The following KCNH1 variants were observed in gnomAD, a reference collection of about 807,000 sequenced individuals.
The protein encoded by KCNH1 is potassium voltage-gated channel subfamily H member 1.
In KCNH1, 27 loss-of-function variants were observed where a neutral mutation model predicts 69.2. The ratio of observed to expected loss-of-function variants is 0.39; its 90% CI spans 0.29 to 0.54. The LOEUF is 0.54. Among genes scored for constraint, KCNH1 ranks in the 20% least tolerant of loss-of-function variants. The pLI, the probability that KCNH1 is intolerant of heterozygous loss-of-function variation, is 0.68. For synonymous variants in KCNH1, 456 were observed against 487.7 expected (o/e 0.93, Z 0.86); for missense variants, 798 against 1,261.6 (o/e 0.63, Z 5.57).
At chr1:210,857,722 G>A (rs1685885413) in intron 7 of KCNH1, among the ~76,000 whole-genome samples, 1 of 152,098 alleles carries the variant, frequency 6.6e-6, no homozygotes. Flanking sequence ...GAAATATTTT[G>A]TGTACACATG....
intron 7 of KCNH1, among the ~76,000 whole-genome samples, chr1:210,910,882 A>C (rs867465609): frequency 6.6e-6 from 1 of 152,048 alleles, no homozygotes; most frequent in South Asian, 2.1e-4. Context: ...GGTCAAGTAA[A>C]CTCTCTCCTC....
chr1:210,945,095 T>C (rs1048653537), intron 6 of KCNH1, among the ~76,000 whole-genome samples: 1 of 152,244 alleles, frequency 6.6e-6, no homozygotes, highest in Admixed American at 6.5e-5. Flanking sequence ...AGAATTTCAT[T>C]ACTTTTTATG....
chr1:210,720,212 T>C (rs1409524459), intron 10 of KCNH1, among the ~76,000 whole-genome samples: 1 of 152,114 alleles, frequency 6.6e-6, no homozygotes, highest in African/African-American at 2.4e-5. Flanking sequence ...ATCAAATTAA[T>C]ATGATCATCC....
chr1:210,793,384 T>C (rs1412895152), intron 9 of KCNH1, among the ~76,000 whole-genome samples: 1 of 152,224 alleles, frequency 6.6e-6, no homozygotes, highest in African/African-American at 2.4e-5. Context: ...GCAACTCACA[T>C]AGCAAGAGAA....
chr1:210,950,388 T>TCC lies in KCNH1; in HGVS notation c.1033-30321_1033-30320dup, dbSNP rs566542477. On this transcript the variant is annotated intron_variant, in intron 6 of 10. Coordinates refer to ENST00000271751, the MANE Select transcript of KCNH1 (RefSeq NM_172362.3). ...TCCCCCCTCCCCCACCCCACAACAG[T>TCC]CCCCAGAGTGTGATATTCCCCTTCC... Among the ~76,000 whole-genome samples the TCC allele has an allele frequency of 1.5e-3, 98 of 66,234 alleles. 2 individuals are homozygous for TCC. The South Asian group carries it at 0.051, about 35-fold the overall frequency. 43.5% of individuals were successfully genotyped at this position (66,234 alleles called of 152,430 possible).
chr1:210,806,637 G>T (rs1405995907), intron 7 of KCNH1, among the ~76,000 whole-genome samples: 2 of 150,032 alleles, frequency 1.3e-5, no homozygotes, highest in Admixed American at 6.7e-5. Flanking sequence ...CCATGTTACT[G>T]CATGTATTGT....
At chr1:210,834,651 T>A (rs1344798794) in intron 7 of KCNH1, among the ~76,000 whole-genome samples, 5 of 149,304 alleles carry the variant, frequency 3.3e-5, no homozygotes, top group East Asian at 3.9e-4. Context: ...AACCTGCACA[T>A]TGTGCACATG....
intron 5 of KCNH1, among the ~76,000 whole-genome samples, chr1:211,065,416 T>G (rs1690511591): frequency 6.6e-6 from 1 of 152,186 alleles, no homozygotes; most frequent in Admixed American, 6.5e-5. Context: ...CTCGCTTGTA[T>G]GTGGAACCTA....
intron 10 of KCNH1, among the ~76,000 whole-genome samples, chr1:210,713,763 A>ATATT (rs1212354451): frequency 6.6e-6 from 1 of 152,186 alleles, no homozygotes; most frequent in Admixed American, 6.5e-5. Flanking sequence ...GCCGTTCCAT[A>ATATT]TATTTCCAGG....
chr1:210,765,209 G>T (rs1683602524), intron 10 of KCNH1, among the ~76,000 whole-genome samples: 1 of 152,202 alleles, frequency 6.6e-6, no homozygotes, highest in East Asian at 1.9e-4. Flanking sequence ...TTCCAAAACT[G>T]GGGGTGGGGG....
At chr1:210,742,991 G>C (rs2149038033) in intron 10 of KCNH1, among the ~76,000 whole-genome samples, 1 of 152,174 alleles carries the variant, frequency 6.6e-6, no homozygotes, top group African/African-American at 2.4e-5. Flanking sequence ...AAAAGAAAGA[G>C]GATAAAGATT....
At chr1:211,088,347 T>G (rs1316189901) in intron 4 of KCNH1, among the ~76,000 whole-genome samples, 2 of 152,122 alleles carry the variant, frequency 1.3e-5, no homozygotes, top group African/African-American at 4.8e-5. Context: ...TGAGAGTACA[T>G]CCAAGAAGAA....
At chr1:211,064,908 G>C (rs1041360945) in intron 5 of KCNH1, among the ~76,000 whole-genome samples, 18 of 152,122 alleles carry the variant, frequency 1.2e-4, no homozygotes, top group African/African-American at 4.3e-4. Context: ...CCAATCATCA[G>C]AGAAATGCAA....
At chr1:210,775,606 G>C (rs1228928184) in intron 9 of KCNH1, 62 bp from the exon 10 acceptor site, 2 of 1,336,004 alleles carry the variant, frequency 1.5e-6, no homozygotes, top group Non-Finnish European at 2.1e-6. Flanking sequence ...CATCCAGCTG[G>C]CTTCCCTCTA....
At chr1:210,706,338 G>T (rs1681912744) in intron 10 of KCNH1, among the ~76,000 whole-genome samples, 2 of 152,234 alleles carry the variant, frequency 1.3e-5, no homozygotes, top group African/African-American at 2.4e-5. Context: ...CCCAGTCATT[G>T]ATATGTGCAG....
rs118015767 is a variant in KCNH1, at chr1:210,928,603, C to T, written c.1033-8534G>A. The stretch of plus-strand genomic sequence containing the variant: ...GAAAGTTCATAGCCTTAAGTGTCTA[C>T]GTCAAAAAGTCTGAAAGAGCACAAA... On this transcript the variant is annotated intron_variant, in intron 6 of 10. Coordinates refer to ENST00000271751, the MANE Select transcript of KCNH1 (RefSeq NM_172362.3). Among the ~76,000 whole-genome samples, 69 of 152,182 alleles carry T rather than the reference C, an allele frequency of 4.5e-4. No individual in the cohort carries two copies. The East Asian group carries it at 0.012, about 27-fold the overall frequency.
intron 10 of KCNH1, among the ~76,000 whole-genome samples, chr1:210,699,185 A>G (rs1017878113): frequency 6.6e-6 from 1 of 152,214 alleles, no homozygotes; most frequent in African/African-American, 2.4e-5. Context: ...CATAATGTAC[A>G]TAAAGCACAT....
chr1:210,761,572 A>G (rs571473109), intron 10 of KCNH1, among the ~76,000 whole-genome samples: 3 of 152,342 alleles, frequency 2.0e-5, no homozygotes, highest in Admixed American at 1.3e-4. Flanking sequence ...AATGGAAAAC[A>G]TAAGACAGCA....
chr1:210,959,108 C>A (rs1403139288), intron 6 of KCNH1, among the ~76,000 whole-genome samples: 1 of 152,192 alleles, frequency 6.6e-6, no homozygotes, highest in African/African-American at 2.4e-5. Context: ...GTGTGGATGT[C>A]CTTTTTGTTG....
Sources: allele counts gnomAD v4.1 joint callset (sites outside exome capture counted in the v4.1 genomes callset), GRCh38; gene constraint gnomAD v4.1.1; transcripts MANE v1.5; gene names NCBI Gene and HGNC (gene_info 2026-07-23, HGNC 2026-07-21).